The following NOSTRIN variants were observed in gnomAD, a reference collection of about 807,000 sequenced individuals.
NOSTRIN encodes BM247 homolog.
In NOSTRIN, 63 loss-of-function variants were observed where a neutral mutation model predicts 59.0. The ratio of observed to expected loss-of-function variants is 1.07; its 90% confidence interval spans 0.87 to 1.32. NOSTRIN has a LOEUF of 1.32. NOSTRIN is among the 40% of genes most tolerant of loss of function. The probability of loss-of-function intolerance (pLI) is 0.00; values close to 1 mark genes in which losing one functional copy is unlikely to be tolerated. For synonymous variants in NOSTRIN, 200 were observed against 165.4 expected, an observed-to-expected ratio of 1.21 and a Z score of -1.61; for missense variants, 512 against 473.1, an observed-to-expected ratio of 1.08 and a Z score of -0.76.
At chr2:168,794,352 GA>G (rs918242337), upstream of NOSTRIN, among the ~76,000 whole-genome samples, 11 of 104,608 alleles carry the variant, frequency 1.1e-4, no homozygotes, top group Admixed American at 3.3e-4. Flanking sequence ...CAAAAGGGAT[GA>G]TTTTTTTTTT....
At chr2:168,827,707 A>G (rs1343679746) in intron 3 of NOSTRIN, among the ~76,000 whole-genome samples, 5 of 151,906 alleles carry the variant, frequency 3.3e-5, no homozygotes, top group Admixed American at 6.6e-5. Context: ...AGCTAGGACT[A>G]TGGGCGTGCA....
At chr2:168,840,729 C>G (rs947302018) in intron 7 of NOSTRIN, among the ~76,000 whole-genome samples, 2 of 152,050 alleles carry the variant, frequency 1.3e-5, no homozygotes, top group Non-Finnish European at 2.9e-5. Context: ...TCCATTTTAA[C>G]AGCCTTTGTC....
At chr2:168,863,566 G>A (rs984022958) in intron 15 of NOSTRIN, 5 of 985,010 alleles carry the variant, frequency 5.1e-6, no homozygotes, top group Non-Finnish European at 6.0e-6. Context: ...TTGAATCATT[G>A]CTTTAAAAAA....
chr2:168,829,477 C>T lies in NOSTRIN; in HGVS notation c.342+976C>T, dbSNP rs144066967. Among the ~76,000 whole-genome samples, 480 of 152,144 alleles carry T rather than the reference C, an allele frequency of 3.2e-3. 1 individual carries two copies. Among genetic ancestry groups the T allele is most frequent in the African/African-American group, 0.011 (450 of 41,488 alleles). On this transcript the variant is annotated intron_variant, in intron 5 of 15. Coordinates refer to ENST00000317647, the MANE Select transcript of NOSTRIN (RefSeq NM_001039724.4). ...CTGACATTACAGGTGCCTGCCACCA[C>T]GCCTGGCTAATTTTTGTATTTTTAG... is the stretch of plus-strand genomic sequence containing the variant.
intron 7 of NOSTRIN, among the ~76,000 whole-genome samples, chr2:168,836,650 T>C (rs1687738553): frequency 6.6e-6 from 1 of 152,100 alleles, no homozygotes; most frequent in Admixed American, 6.6e-5. Context: ...CACACCTCCA[T>C]CCACACACTC....
intron 3 of NOSTRIN, among the ~76,000 whole-genome samples, chr2:168,825,285 A>T (rs933814846): frequency 2.6e-5 from 4 of 152,212 alleles, no homozygotes; most frequent in Non-Finnish European, 5.9e-5. Context: ...AGTTCAAGAT[A>T]CTTCCCCCAA....
intron 7 of NOSTRIN, among the ~76,000 whole-genome samples, chr2:168,842,564 T>G (rs1688164674): frequency 6.6e-6 from 1 of 152,222 alleles, no homozygotes; most frequent in African/African-American, 2.4e-5. Flanking sequence ...CTAAAAATTG[T>G]ATGATTCCAC....
chr2:168,801,018 T>G (rs1685598944), upstream of NOSTRIN: 1 of 151,834 alleles, frequency 6.6e-6, no homozygotes. Context: ...GTGCTAAGAT[T>G]ACAGGTGTGT....
intron 8 of NOSTRIN, among the ~76,000 whole-genome samples, chr2:168,850,683 C>T (rs989235377): frequency 2.7e-5 from 4 of 150,866 alleles, no homozygotes; most frequent in African/African-American, 4.9e-5. Context: ...GAGGCCAAGA[C>T]AGGTGGACCA....
intron 7 of NOSTRIN, among the ~76,000 whole-genome samples, chr2:168,840,772 G>A (rs977303849): frequency 3.3e-5 from 5 of 151,964 alleles, no homozygotes; most frequent in South Asian, 2.1e-4. Context: ...TACTAAGTCC[G>A]GGGGGATCTT....
At chr2:168,790,537 G>C (rs1339911179) in intron 2 of NOSTRIN, among the ~76,000 whole-genome samples, 2 of 152,184 alleles carry the variant, frequency 1.3e-5, no homozygotes, top group Non-Finnish European at 2.9e-5. Flanking sequence ...TACGAAACCT[G>C]AATCTGATCA....
chr2:168,793,233 C>T (rs976500839), upstream of NOSTRIN, among the ~76,000 whole-genome samples: 1 of 152,206 alleles, frequency 6.6e-6, no homozygotes, highest in African/African-American at 2.4e-5. Context: ...CTGGCAACAG[C>T]CTCCCCACTC....
At chr2:168,806,277 A>C (rs973530082) in intron 1 of NOSTRIN, among the ~76,000 whole-genome samples, 4 of 152,092 alleles carry the variant, frequency 2.6e-5, no homozygotes, top group Non-Finnish European at 5.9e-5. Flanking sequence ...ATCAAAAAAA[A>C]TCCTTCTGTA....
At chr2:168,807,844 A>C (rs139893948) in intron 1 of NOSTRIN, among the ~76,000 whole-genome samples, 9 of 152,350 alleles carry the variant, frequency 5.9e-5, no homozygotes, top group East Asian at 5.8e-4. Context: ...AAAGTTAGAA[A>C]GTACTGGTCT....
At chr2:168,836,351 C>T (rs1370747647) in intron 7 of NOSTRIN, among the ~76,000 whole-genome samples, 5 of 152,226 alleles carry the variant, frequency 3.3e-5, no homozygotes, top group African/African-American at 1.2e-4. Flanking sequence ...CCATCAGCAG[C>T]TTCCCTGGGA....
intron 2 of NOSTRIN, among the ~76,000 whole-genome samples, chr2:168,792,818 C>T (rs1685391459): frequency 6.6e-6 from 1 of 152,036 alleles, no homozygotes; most frequent in African/African-American, 2.4e-5. Context: ...ATAAAGTGAT[C>T]CCAATAACAG....
upstream of NOSTRIN, among the ~76,000 whole-genome samples, chr2:168,796,681 A>T (rs549386635): frequency 8.1e-4 from 123 of 152,290 alleles, no homozygotes; most frequent in African/African-American, 2.8e-3. Context: ...AAAGTTCTCT[A>T]AGTGGCCCCT....
rs767102256 is a variant in NOSTRIN at position 168,864,854 on chromosome 2, G to T, written c.1405G>T (p.Glu469Ter). Residue 469 changes from glutamate to a stop codon, truncating the protein, a stop_gained, in exon 16 of 16, where the codon GAG (glutamate) becomes TAG (stop). Coordinates refer to ENST00000317647, the MANE Select transcript of NOSTRIN (RefSeq NM_001039724.4). LOFTEE classifies it high-confidence loss of function. The stretch of plus-strand genomic sequence containing the variant: ...CACAGGTGACATTGTGATTATACAC[G>T]AGAAAAAAGAAGGAGGATGGTGGTT... ...LEKGDIVIIH[E>*]KKEGGWWFGS... is the part of the protein sequence containing the mutation. 1.9e-6 allele frequency: 3 copies of T among 1,613,842 alleles called. No individual in the cohort carries two copies. The highest frequency in any genetic ancestry group is 2.5e-6 in the Non-Finnish European group (3 of 1,179,882).
chr2:168,824,489 G>T, intron 2 of NOSTRIN, 145 bp from the exon 3 acceptor site: 1 of 541,944 alleles, frequency 1.8e-6, no homozygotes. Context: ...AGTAGAGACT[G>T]GGTTTCACCA....
Sources: gnomAD v4.1 joint callset for allele counts (sites outside exome capture counted in the v4.1 genomes callset) on GRCh38, gnomAD v4.1.1 for gene constraint, MANE v1.5 for transcripts, NCBI Gene and HGNC (gene_info 2026-07-23, HGNC 2026-07-21) for gene names.